The following SPON1 variants were observed in gnomAD, a reference collection of about 807,000 sequenced individuals.
The protein encoded by SPON1 is spondin-1.
In SPON1, 52 loss-of-function variants were observed where a neutral mutation model predicts 111.7. The observed-to-expected ratio is 0.47, with a 90% confidence interval of 0.37 to 0.59. The LOEUF (loss-of-function observed/expected upper bound fraction) is 0.59, where lower values mean the gene tolerates loss of function less well. Among genes scored for constraint, SPON1 ranks in the 20% least tolerant of loss-of-function variants. SPON1 has a pLI of 0.00. For missense variants in SPON1, 957 were observed against 1,068.5 expected (o/e 0.90, Z 1.46); for synonymous variants, 410 against 395.8 (o/e 1.04, Z -0.43).
At chr11:13,967,632 A>G (rs1361555558) in intron 1 of SPON1, among the ~76,000 whole-genome samples, 2 of 152,174 alleles carry the variant, frequency 1.3e-5, no homozygotes, top group African/African-American at 4.8e-5. Context: ...ATGTTTGGAA[A>G]GGACATATTT....
intron 2 of SPON1, among the ~76,000 whole-genome samples, chr11:14,010,927 C>T (rs1003642951): frequency 6.6e-6 from 1 of 152,158 alleles, no homozygotes; most frequent in Non-Finnish European, 1.5e-5. Flanking sequence ...ATAAAATGCC[C>T]TTGATAAACG....
chr11:14,157,550 T>G (rs1554930502), intron 6 of SPON1, among the ~76,000 whole-genome samples: 1 of 152,198 alleles, frequency 6.6e-6, no homozygotes, highest in East Asian at 1.9e-4. Context: ...TTCTAGCACT[T>G]CATGCATCCA....
intron 2 of SPON1, among the ~76,000 whole-genome samples, chr11:14,012,980 C>T (rs1237648423): frequency 6.6e-6 from 1 of 152,186 alleles, no homozygotes; most frequent in African/African-American, 2.4e-5. Context: ...CTACACAAAA[C>T]GGTCCCTGAT....
intron 3 of SPON1, among the ~76,000 whole-genome samples, chr11:14,071,605 TACTA>T (rs1398493505): frequency 6.6e-6 from 1 of 152,142 alleles, no homozygotes; most frequent in African/African-American, 2.4e-5. Context: ...AGTAGAATGA[TACTA>T]ACATTTGGAG....
intron 6 of SPON1, among the ~76,000 whole-genome samples, chr11:14,188,529 G>T (rs1848311029): frequency 6.6e-6 from 1 of 152,160 alleles, no homozygotes; most frequent in African/African-American, 2.4e-5. Context: ...TATTTCTTCT[G>T]AAAATAAACT....
intron 5 of SPON1, among the ~76,000 whole-genome samples, chr11:14,098,019 G>A (rs782722166): frequency 2.0e-5 from 3 of 151,968 alleles, no homozygotes; most frequent in East Asian, 1.9e-4. Context: ...TTTTTGAGAC[G>A]GAGTCTCGCT....
At chr11:14,261,348 T>TG (rs1425501911) in intron 14 of SPON1, among the ~76,000 whole-genome samples, 1 of 152,222 alleles carries the variant, frequency 6.6e-6, no homozygotes, top group African/African-American at 2.4e-5. Context: ...GCTGCTTTTT[T>TG]GGGTGGTAAA....
intron 5 of SPON1, among the ~76,000 whole-genome samples, chr11:14,088,052 A>T (rs1554922888): frequency 6.6e-6 from 1 of 152,166 alleles, no homozygotes; most frequent in Non-Finnish European, 1.5e-5. Flanking sequence ...TCTCCTGAAT[A>T]CAGCACACTG....
intron 5 of SPON1, among the ~76,000 whole-genome samples, chr11:14,106,745 C>A (rs1192591589): frequency 6.6e-6 from 1 of 152,090 alleles, no homozygotes; most frequent in Non-Finnish European, 1.5e-5. Context: ...TACTGGTAGC[C>A]CTGCAGTAAA....
chr11:14,041,820 T>C (rs1484111372), intron 3 of SPON1, among the ~76,000 whole-genome samples, 166 bp downstream of exon 3: 1 of 152,152 alleles, frequency 6.6e-6, no homozygotes, highest in Non-Finnish European at 1.5e-5. Flanking sequence ...GGTGAAGTGT[T>C]CCATAAAGAT....
At chr11:14,133,361 G>C (rs1185509129) in intron 5 of SPON1, among the ~76,000 whole-genome samples, 2 of 152,226 alleles carry the variant, frequency 1.3e-5, no homozygotes, top group African/African-American at 4.8e-5. Context: ...TCAGCCTAGT[G>C]AGATAACAGA....
At chr11:14,244,561 A>T (rs2133919034) in intron 7 of SPON1, among the ~76,000 whole-genome samples, 1 of 151,152 alleles carries the variant, frequency 6.6e-6, no homozygotes, top group South Asian at 2.1e-4. Context: ...AGCCTGGGCA[A>T]CATGGCAAAA....
intron 6 of SPON1, among the ~76,000 whole-genome samples, chr11:14,176,169 G>T (rs1456651743): frequency 6.6e-6 from 1 of 151,994 alleles, no homozygotes; most frequent in East Asian, 1.9e-4. Context: ...AATAAGGAGG[G>T]TTCTCTGAGT....
chr11:14,076,060 G>A (rs1336435242), intron 4 of SPON1, among the ~76,000 whole-genome samples: 3 of 152,150 alleles, frequency 2.0e-5, no homozygotes, highest in African/African-American at 7.2e-5. Context: ...CTAGCCATGT[G>A]ACTTAAATAG....
chr11:14,257,903 G>A lies in SPON1; in HGVS notation c.1492+5G>A, dbSNP rs1396620762. ...GCCCTGGCTGCAGTGACGAAGGTGAGGAGACAACCCAGACCAGCCAGGGGC... is the reference window on the plus strand; with the variant it reads ...GCCCTGGCTGCAGTGACGAAGGTGAAGAGACAACCCAGACCAGCCAGGGGC... On this transcript the variant is annotated splice_donor_5th_base_variant and intron_variant, in intron 11 of 15. Coordinates refer to ENST00000576479, the MANE Select transcript of SPON1 (RefSeq NM_006108.4). 4 of 1,538,006 alleles carry A rather than the reference G, an allele frequency of 2.6e-6. No homozygotes were observed. In the African/African-American group the frequency reaches 4.1e-5, roughly 16 times the overall value.
intron 1 of SPON1, among the ~76,000 whole-genome samples, chr11:13,970,546 T>C (rs1450796074): frequency 6.6e-6 from 1 of 152,182 alleles, no homozygotes; most frequent in Non-Finnish European, 1.5e-5. Context: ...CACAGCAGGA[T>C]GAACCAAATG....
At chr11:14,142,040 A>C (rs782676056) in intron 6 of SPON1, among the ~76,000 whole-genome samples, 17 of 152,132 alleles carry the variant, frequency 1.1e-4, no homozygotes, top group African/African-American at 4.1e-4. Flanking sequence ...CCTGCCAACT[A>C]TGTGACTTTG....
At chr11:14,049,439 A>C (rs1305083266) in intron 3 of SPON1, among the ~76,000 whole-genome samples, 1 of 152,116 alleles carries the variant, frequency 6.6e-6, no homozygotes, top group Non-Finnish European at 1.5e-5. Flanking sequence ...CTTACCTAAC[A>C]CTTGAACAGG....
At chr11:14,096,196 G>C (rs1849099578) in intron 5 of SPON1, among the ~76,000 whole-genome samples, 1 of 152,172 alleles carries the variant, frequency 6.6e-6, no homozygotes, top group African/African-American at 2.4e-5. Flanking sequence ...AGTCACTCAT[G>C]TATGGGTTGG....
Sources: gnomAD v4.1 joint callset for allele counts (sites outside exome capture counted in the v4.1 genomes callset) on GRCh38, gnomAD v4.1.1 for gene constraint, MANE v1.5 for transcripts, NCBI Gene and HGNC (gene_info 2026-07-23, HGNC 2026-07-21) for gene names.